The following BMPER variants were observed in gnomAD, a reference collection of about 807,000 sequenced individuals.
BMPER encodes BMP-binding endothelial regulator protein.
BMPER carries 45 observed loss-of-function variants against 87.3 expected under a neutral mutation model. The observed-to-expected ratio is 0.52, with a 90% CI of 0.41 to 0.66. The LOEUF is 0.66. BMPER is among the 30% of genes least tolerant of loss of function. The pLI, the probability that BMPER is intolerant of heterozygous loss-of-function variation, is 0.00. For synonymous variants in BMPER, 326 were observed against 316.2 expected (o/e 1.03, Z -0.33); for missense variants, 784 against 867.5 (o/e 0.90, Z 1.21).
intron 13 of BMPER, among the ~76,000 whole-genome samples, chr7:34,124,123 G>A (rs979144265): frequency 6.6e-6 from 1 of 152,006 alleles, no homozygotes; most frequent in Non-Finnish European, 1.5e-5. Flanking sequence ...TTCCTGGGTT[G>A]CATTAGCAAC....
Position 33,938,608 on chromosome 7 carries a change from G to C in BMPER, c.319+1220G>C, listed in dbSNP as rs189190621. On this transcript the variant is annotated intron_variant, in intron 3 of 14. Coordinates refer to ENST00000649409, the MANE Select transcript of BMPER (RefSeq NM_001365308.1). ...CCGACACCTTGATCTTGGTCTTCTA[G>C]TCTCCAGAACTGTGAGACAATAAAT... is the stretch of plus-strand genomic sequence containing the variant. Among the ~76,000 whole-genome samples the C allele has an allele frequency of 1.1e-4, 17 of 152,300 alleles. No individual in the cohort carries two copies. In the East Asian group the frequency reaches 3.3e-3, roughly 29 times the overall value.
chr7:33,966,521 G>T lies in BMPER; in HGVS notation c.362G>T (p.Trp121Leu), dbSNP rs1182409075. The change falls in exon 4 of 15, where the codon TGG becomes TTG. Residue 121 changes from tryptophan (W) to leucine (L), a missense_variant. Coordinates refer to ENST00000649409, the MANE Select transcript of BMPER (RefSeq NM_001365308.1). ...AATACCTATAACAGCTCCTTCAAAT[G>T]GCAGAGCCCGGCTGAGCCTTGTGTT... ...EGNTYNSSFK[W>L]QSPAEPCVLR... The T allele has an allele frequency of 3.1e-6, 5 of 1,613,784 alleles. No homozygotes were observed. The highest frequency in any genetic ancestry group is 1.3e-5 in the African/African-American group (1 of 75,018).
chr7:33,993,878 A>C (rs201817625), intron 6 of BMPER, among the ~76,000 whole-genome samples: 5 of 152,122 alleles, frequency 3.3e-5, no homozygotes, highest in Admixed American at 2.6e-4. Flanking sequence ...AGTACCATGC[A>C]GTGTGAGGTG....
chr7:33,921,947 T>C (rs1477303422), intron 2 of BMPER: 4 of 428,986 alleles, frequency 9.3e-6, no homozygotes, highest in Non-Finnish European at 2.0e-5. Flanking sequence ...CCTCAAAACC[T>C]CTGCAAGAAG....
chr7:33,991,441 T>C (rs1786214613), intron 6 of BMPER, among the ~76,000 whole-genome samples: 1 of 152,176 alleles, frequency 6.6e-6, no homozygotes. Context: ...TAGTTTGTAT[T>C]TCTGTGGGAT....
At chr7:34,059,909 T>A (rs73690118) in intron 10 of BMPER, among the ~76,000 whole-genome samples, 2,403 of 151,786 alleles carry the variant, frequency 0.016, 73 homozygotes, top group African/African-American at 0.054. Context: ...ATCCTGCAAC[T>A]CCCCCAGAGG....
chr7:33,976,013 T>C (rs1206124391), intron 6 of BMPER, among the ~76,000 whole-genome samples: 5 of 152,048 alleles, frequency 3.3e-5, no homozygotes, highest in Admixed American at 2.0e-4. Context: ...ATATGTAATA[T>C]ACATAATATA....
At chr7:33,977,565 G>A (rs1255617626) in intron 6 of BMPER, among the ~76,000 whole-genome samples, 1 of 152,160 alleles carries the variant, frequency 6.6e-6, no homozygotes, top group Admixed American at 6.5e-5. Flanking sequence ...CCAGAGGGGT[G>A]TTCATAATGT....
intron 2 of BMPER, among the ~76,000 whole-genome samples, chr7:33,931,654 TAGAG>T (rs1473575994): frequency 1.3e-5 from 2 of 152,154 alleles, no homozygotes; most frequent in South Asian, 2.1e-4. Flanking sequence ...ACTTCATACA[TAGAG>T]AGACTAGAAA....
intron 6 of BMPER, among the ~76,000 whole-genome samples, chr7:34,024,587 G>A (rs939180781): frequency 6.7e-6 from 1 of 150,248 alleles, no homozygotes; most frequent in Non-Finnish European, 1.5e-5. Context: ...TTCTTCTGAT[G>A]TCTTTCTCCA....
chr7:34,118,868 T>C (rs767985453), intron 13 of BMPER, among the ~76,000 whole-genome samples: 2 of 152,100 alleles, frequency 1.3e-5, no homozygotes, highest in Non-Finnish European at 2.9e-5. Context: ...CAGATCACCA[T>C]CATGAAATGC....
intron 13 of BMPER, among the ~76,000 whole-genome samples, chr7:34,101,337 A>T (rs1454387906): frequency 2.0e-5 from 3 of 152,222 alleles, no homozygotes; most frequent in African/African-American, 7.2e-5. Context: ...CACCAGTCTC[A>T]GGTGTACGGC....
intron 13 of BMPER, among the ~76,000 whole-genome samples, chr7:34,096,296 C>T (rs1331969255): frequency 6.6e-6 from 1 of 152,166 alleles, no homozygotes; most frequent in South Asian, 2.1e-4. Flanking sequence ...TGGGCAGGCA[C>T]AGCATCTTGT....
intron 2 of BMPER, among the ~76,000 whole-genome samples, chr7:33,935,221 G>A (rs370237840): frequency 2.8e-4 from 43 of 152,284 alleles, no homozygotes; most frequent in African/African-American, 1.0e-3. Context: ...TCTGGGGAGC[G>A]TGGAGCCAGT....
intron 2 of BMPER, among the ~76,000 whole-genome samples, chr7:33,935,098 T>C (rs1425687096): frequency 6.6e-6 from 1 of 152,162 alleles, no homozygotes; most frequent in Non-Finnish European, 1.5e-5. Context: ...ACCATAACAA[T>C]GTATGACCTT....
At chr7:33,973,243 T>A (rs937381727) in intron 5 of BMPER, among the ~76,000 whole-genome samples, 2 of 152,188 alleles carry the variant, frequency 1.3e-5, no homozygotes, top group African/African-American at 4.8e-5. Flanking sequence ...CAAACCTGTA[T>A]GAAAGAATTA....
intron 3 of BMPER, among the ~76,000 whole-genome samples, chr7:33,946,335 G>A (rs1784894458): frequency 1.3e-5 from 2 of 152,194 alleles, no homozygotes; most frequent in African/African-American, 4.8e-5. Context: ...TAGGAACACA[G>A]CCAAACAGTA....
intron 6 of BMPER, among the ~76,000 whole-genome samples, chr7:34,040,925 G>C (rs1295394292): frequency 6.6e-6 from 1 of 152,148 alleles, no homozygotes; most frequent in Non-Finnish European, 1.5e-5. Flanking sequence ...ATCTAAGTAA[G>C]TAACAAAAAT....
chr7:34,036,473 G>A (rs1271389827), intron 6 of BMPER, among the ~76,000 whole-genome samples: 1 of 152,114 alleles, frequency 6.6e-6, no homozygotes, highest in Non-Finnish European at 1.5e-5. Flanking sequence ...GGCTGTCAGG[G>A]CCCTTATCAG....
Sources: allele counts gnomAD v4.1 joint callset (sites outside exome capture counted in the v4.1 genomes callset), GRCh38; gene constraint gnomAD v4.1.1; transcripts MANE v1.5; gene names NCBI Gene and HGNC (gene_info 2026-07-23, HGNC 2026-07-21).